Variants in GRM7 observed in about 807,000 individuals in gnomAD.
GRM7 encodes glutamate metabotropic receptor 7, also known as metabotropic glutamate receptor 7.
In GRM7, 35 loss-of-function variants were observed where a neutral mutation model predicts 84.5. That is an observed-to-expected ratio of 0.41 (90% CI 0.32 to 0.55). GRM7 has a LOEUF of 0.55. Among genes scored for constraint, GRM7 ranks in the 20% least tolerant of loss-of-function variants. The probability of loss-of-function intolerance (pLI) is 0.19; values close to 1 mark genes in which losing one functional copy is unlikely to be tolerated. For synonymous variants in GRM7, 487 were observed against 455.1 expected (o/e 1.07, Z -0.89); for missense variants, 1,003 against 1,194.6 (o/e 0.84, Z 2.36).
chr3:7,180,737 C>T (rs1049613864), intron 2 of GRM7, among the ~76,000 whole-genome samples: 1 of 152,046 alleles, frequency 6.6e-6, no homozygotes, highest in African/African-American at 2.4e-5. Flanking sequence ...GTCTCTATGC[C>T]GATTATAAAG....
At chr3:7,294,045 A>G (rs978973744) in intron 2 of GRM7, among the ~76,000 whole-genome samples, 1 of 152,224 alleles carries the variant, frequency 6.6e-6, no homozygotes, top group African/African-American at 2.4e-5. Flanking sequence ...CCACGTTAAT[A>G]GCCAATCTCT....
intron 1 of GRM7, among the ~76,000 whole-genome samples, chr3:6,958,432 T>C (rs1693156754): frequency 6.6e-6 from 1 of 152,222 alleles, no homozygotes; most frequent in Non-Finnish European, 1.5e-5. Flanking sequence ...CACCTGCTGA[T>C]GGACATTTGA....
intron 8 of GRM7, among the ~76,000 whole-genome samples, chr3:7,589,572 T>C (rs566339929): frequency 6.6e-6 from 1 of 152,128 alleles, no homozygotes; most frequent in South Asian, 2.1e-4. Flanking sequence ...TCTCTAGAAA[T>C]GGCCGTGTAA....
At chr3:7,007,313 G>A (rs1263402404) in intron 1 of GRM7, among the ~76,000 whole-genome samples, 3 of 152,080 alleles carry the variant, frequency 2.0e-5, no homozygotes, top group Non-Finnish European at 2.9e-5. Flanking sequence ...TAAATGGAAC[G>A]GTTTCTATAA....
chr3:6,933,734 AT>A (rs1020267906), intron 1 of GRM7, among the ~76,000 whole-genome samples: 2 of 142,296 alleles, frequency 1.4e-5, no homozygotes, highest in African/African-American at 5.2e-5. Flanking sequence ...AGAAAAGAAA[AT>A]TAAAAAAAAA....
At chr3:7,361,210 C>A (rs1266680742) in intron 4 of GRM7, among the ~76,000 whole-genome samples, 2 of 152,040 alleles carry the variant, frequency 1.3e-5, no homozygotes, top group African/African-American at 2.4e-5. Context: ...GATTTACAAA[C>A]AATAAGTGTT....
At chr3:6,868,313 C>T (rs1380145341) in intron 1 of GRM7, among the ~76,000 whole-genome samples, 1 of 152,144 alleles carries the variant, frequency 6.6e-6, no homozygotes, top group African/African-American at 2.4e-5. Flanking sequence ...AAAGTAATTG[C>T]AGATTTTCCT....
At chr3:6,946,190 T>G (rs1698073704) in intron 1 of GRM7, among the ~76,000 whole-genome samples, 1 of 152,232 alleles carries the variant, frequency 6.6e-6, no homozygotes, top group Non-Finnish European at 1.5e-5. Context: ...TTTATGGTTT[T>G]AGGTCTAACA....
chr3:7,021,361 C>T (rs1407714243), intron 1 of GRM7, among the ~76,000 whole-genome samples: 1 of 152,158 alleles, frequency 6.6e-6, no homozygotes, highest in South Asian at 2.1e-4. Flanking sequence ...GTAACTTGCT[C>T]ATAACTGTCT....
chr3:7,356,060 G>A (rs1010930450), intron 4 of GRM7, among the ~76,000 whole-genome samples: 9 of 152,104 alleles, frequency 5.9e-5, no homozygotes, highest in Non-Finnish European at 1.2e-4. Flanking sequence ...CAGTGCACCT[G>A]GTTGTGCACT....
At chr3:7,085,992 G>A (rs897143756) in intron 1 of GRM7, among the ~76,000 whole-genome samples, 1 of 152,100 alleles carries the variant, frequency 6.6e-6, no homozygotes, top group African/African-American at 2.4e-5. Context: ...CTAATGACTT[G>A]GCTTTGGGTT....
At chr3:7,006,388 G>C (rs1019123190) in intron 1 of GRM7, among the ~76,000 whole-genome samples, 2 of 152,160 alleles carry the variant, frequency 1.3e-5, no homozygotes, top group South Asian at 4.1e-4. Flanking sequence ...GAAATGTAGT[G>C]TCACTCAATG....
intron 7 of GRM7, among the ~76,000 whole-genome samples, chr3:7,481,068 T>C (rs1272145406): frequency 6.8e-6 from 1 of 148,136 alleles, no homozygotes; most frequent in Non-Finnish European, 1.5e-5. Context: ...AAATACAAAG[T>C]CTTTATTGGT....
chr3:7,056,849 T>A (rs992741407), intron 1 of GRM7, among the ~76,000 whole-genome samples: 13 of 152,012 alleles, frequency 8.6e-5, no homozygotes, highest in African/African-American at 3.1e-4. Flanking sequence ...TTAACTTGAA[T>A]TTGGGTTGTA....
intron 2 of GRM7, among the ~76,000 whole-genome samples, chr3:7,201,668 A>C (rs888667991): frequency 1.3e-5 from 2 of 152,216 alleles, no homozygotes. Context: ...AGAAGCAGCT[A>C]CTATTATCCT....
chr3:7,340,541 C>T (rs1269189002), intron 4 of GRM7, among the ~76,000 whole-genome samples: 1 of 152,098 alleles, frequency 6.6e-6, no homozygotes, highest in Non-Finnish European at 1.5e-5. Context: ...CCAGGTCTCT[C>T]CTTCAACACC....
intron 1 of GRM7, among the ~76,000 whole-genome samples, chr3:7,119,533 C>T (rs2125042471): frequency 6.6e-6 from 1 of 152,270 alleles, no homozygotes; most frequent in East Asian, 1.9e-4. Context: ...CTCTCAAATA[C>T]ATTACTCGAC....
chr3:7,210,409 A>T (rs1696382153), intron 2 of GRM7, among the ~76,000 whole-genome samples: 1 of 152,222 alleles, frequency 6.6e-6, no homozygotes, highest in South Asian at 2.1e-4. Flanking sequence ...AAGATTTGTT[A>T]TCCTTAAAGA....
In GRM7 at chr3:7,593,942, AG is replaced by A. The variant is rs200517249; in HGVS notation, c.2451+14590del. Among the ~76,000 whole-genome samples, 109 of 151,434 alleles carry A rather than the reference AG, an allele frequency of 7.2e-4. 1 individual carries two copies. Among genetic ancestry groups the A allele is most frequent in the African/African-American group, 2.5e-3 (104 of 41,100 alleles). ...TTACACCCTTGACACAATCCACAGA[AG>A]GGGGAAAAAAAAAAACACTGAAAGT... On this transcript the variant is annotated intron_variant, in intron 8 of 9. Coordinates refer to ENST00000357716, the MANE Select transcript of GRM7 (RefSeq NM_000844.4).
Sources: gnomAD v4.1 joint callset for allele counts (sites outside exome capture counted in the v4.1 genomes callset) on GRCh38, gnomAD v4.1.1 for gene constraint, MANE v1.5 for transcripts, NCBI Gene and HGNC (gene_info 2026-07-23, HGNC 2026-07-21) for gene names.